NKAIN2: variants seen among roughly 807,000 people sequenced by gnomAD.
NKAIN2 encodes the protein sodium/potassium transporting ATPase interacting 2.
In NKAIN2, 14 loss-of-function variants were observed where a neutral mutation model predicts 32.6. The observed-to-expected ratio is 0.43, with a 90% CI of 0.28 to 0.67. The LOEUF is 0.67. Among genes scored for constraint, NKAIN2 ranks in the 30% least tolerant of loss-of-function variants. The pLI is 0.17. For missense variants in NKAIN2, 198 were observed against 258.3 expected (o/e 0.77, Z 1.60); for synonymous variants, 80 against 87.2 (o/e 0.92, Z 0.46).
chr6:124,454,549 G>A (rs1776248303), intron 3 of NKAIN2, among the ~76,000 whole-genome samples: 1 of 151,982 alleles, frequency 6.6e-6, no homozygotes, highest in South Asian at 2.1e-4. Flanking sequence ...TATCAAAACT[G>A]AAAATCCACT....
At chr6:124,622,222 A>C (rs1264276021) in intron 3 of NKAIN2, among the ~76,000 whole-genome samples, 1 of 152,082 alleles carries the variant, frequency 6.6e-6, no homozygotes, top group Non-Finnish European at 1.5e-5. Flanking sequence ...CCATCTTTGC[A>C]TGGCTTTCTC....
chr6:124,070,853 A>G (rs1783427746), intron 1 of NKAIN2, among the ~76,000 whole-genome samples: 1 of 152,198 alleles, frequency 6.6e-6, no homozygotes, highest in African/African-American at 2.4e-5. Flanking sequence ...ACCCCACTTC[A>G]AACTATATCA....
At chr6:124,473,483 G>A (rs534499022) in intron 3 of NKAIN2, among the ~76,000 whole-genome samples, 44 of 152,022 alleles carry the variant, frequency 2.9e-4, no homozygotes, top group African/African-American at 9.2e-4. Flanking sequence ...TATTTCATTC[G>A]TTGTAGTAAC....
At chr6:124,650,210 G>C (rs1784319665) in intron 3 of NKAIN2, among the ~76,000 whole-genome samples, 1 of 152,044 alleles carries the variant, frequency 6.6e-6, no homozygotes, top group African/African-American at 2.4e-5. Flanking sequence ...AACTATTTTT[G>C]CTCACAGATA....
chr6:124,415,877 G>GTTTTTTTTTTTTTTTTTTTTTTTTTTTT (rs1491509779), intron 3 of NKAIN2, among the ~76,000 whole-genome samples: 1 of 40,812 alleles, frequency 2.5e-5, no homozygotes, highest in African/African-American at 7.0e-5. Context: ...TTTTTTATTT[G>GTTTTTTTTTTTTTTTTTTTTTTTTTTTT]CTTTTTTTTT....
intron 1 of NKAIN2, among the ~76,000 whole-genome samples, chr6:123,887,493 G>A (rs1268462167): frequency 6.6e-6 from 1 of 152,112 alleles, no homozygotes; most frequent in East Asian, 1.9e-4. Context: ...ATCAATTAAA[G>A]GGTATTAAAT....
intron 3 of NKAIN2, among the ~76,000 whole-genome samples, chr6:124,529,003 A>G (rs1157688007): frequency 6.6e-6 from 1 of 152,176 alleles, no homozygotes; most frequent in Non-Finnish European, 1.5e-5. Context: ...CAGAGAACAT[A>G]TCCCCCTCTA....
At chr6:124,476,019 CGT>C (rs148892666) in intron 3 of NKAIN2, among the ~76,000 whole-genome samples, 3 of 141,350 alleles carry the variant, frequency 2.1e-5, no homozygotes, top group South Asian at 2.3e-4. Context: ...TGTGTGTGAG[CGT>C]GTGTGTGTGT....
intron 1 of NKAIN2, among the ~76,000 whole-genome samples, chr6:123,837,586 C>T (rs1774684204): frequency 6.6e-6 from 1 of 152,128 alleles, no homozygotes. Context: ...GAATGTAACA[C>T]AGTTTATTCT....
At chr6:123,985,209 G>A (rs1779081654) in intron 1 of NKAIN2, among the ~76,000 whole-genome samples, 1 of 152,078 alleles carries the variant, frequency 6.6e-6, no homozygotes, top group Admixed American at 6.6e-5. Context: ...AGACCAGCTG[G>A]CCAACATGAT....
intron 3 of NKAIN2, among the ~76,000 whole-genome samples, chr6:124,629,042 C>A (rs552627896): frequency 6.6e-6 from 1 of 152,022 alleles, no homozygotes; most frequent in Non-Finnish European, 1.5e-5. Flanking sequence ...GTCAGTCATG[C>A]ATTGTGGAGT....
Position 124,081,283 on chromosome 6 carries a change from T to C in NKAIN2, c.55-201722T>C, listed in dbSNP as rs564915994. Reference sequence around the variant, plus strand: ...AATGTTTGTCAAACTGCAGAAAATATAAAACATGGTATTTCTGTTTAGTAA... The same window carrying C: ...AATGTTTGTCAAACTGCAGAAAATACAAAACATGGTATTTCTGTTTAGTAA... On this transcript the variant is annotated intron_variant, in intron 1 of 6. Coordinates refer to ENST00000368417, the MANE Select transcript of NKAIN2 (RefSeq NM_001040214.3). 2.1e-4 allele frequency among the ~76,000 whole-genome samples: 32 copies of C among 152,200 alleles called. 1 individual carries two copies. The South Asian group carries it at 6.2e-3, about 30-fold the overall frequency.
chr6:123,833,736 AT>A (rs1281889265), intron 1 of NKAIN2, among the ~76,000 whole-genome samples: 2,055 of 72,322 alleles, frequency 0.028, 54 homozygotes, highest in African/African-American at 0.095. Flanking sequence ...TTTCCTGTGG[AT>A]TTTTTTTTTT....
intron 1 of NKAIN2, among the ~76,000 whole-genome samples, chr6:123,981,153 C>T (rs1395895542): frequency 1.3e-5 from 2 of 152,144 alleles, no homozygotes. Context: ...AGGCGTGAGC[C>T]ACCACGCCCA....
intron 3 of NKAIN2, among the ~76,000 whole-genome samples, chr6:124,588,195 G>C (rs772490573): frequency 6.6e-6 from 1 of 152,084 alleles, no homozygotes; most frequent in African/African-American, 2.4e-5. Flanking sequence ...ACATAGCATC[G>C]TGGAGATATA....
At chr6:124,251,651 A>G (rs1434127388) in intron 1 of NKAIN2, among the ~76,000 whole-genome samples, 1 of 152,044 alleles carries the variant, frequency 6.6e-6, no homozygotes, top group Non-Finnish European at 1.5e-5. Context: ...TTGAGAACCT[A>G]TTATAAAACC....
intron 4 of NKAIN2, among the ~76,000 whole-genome samples, chr6:124,734,886 C>T (rs1776861762): frequency 6.6e-6 from 1 of 151,762 alleles, no homozygotes. Flanking sequence ...ATACATTTTT[C>T]CTTGAAGTTC....
intron 3 of NKAIN2, among the ~76,000 whole-genome samples, chr6:124,463,718 C>T (rs957186590): frequency 3.3e-5 from 5 of 152,080 alleles, no homozygotes; most frequent in Non-Finnish European, 7.4e-5. Flanking sequence ...TAGCATTTAA[C>T]TATAAAGATA....
chr6:124,371,951 A>G (rs1203966577), intron 3 of NKAIN2, among the ~76,000 whole-genome samples: 1 of 152,142 alleles, frequency 6.6e-6, no homozygotes, highest in Non-Finnish European at 1.5e-5. Context: ...TTTGGAAAAC[A>G]TTATCAAACA....
Sources: gnomAD v4.1 joint callset for allele counts (sites outside exome capture counted in the v4.1 genomes callset) on GRCh38, gnomAD v4.1.1 for gene constraint, MANE v1.5 for transcripts, NCBI Gene and HGNC (gene_info 2026-07-23, HGNC 2026-07-21) for gene names.